Variants in RAB40C observed in about 807,000 individuals in gnomAD.
RAB40C encodes the protein ras-related protein Rab-40C.
A neutral mutation model predicts 28.1 loss-of-function variants in RAB40C; 8 were observed. The observed-to-expected ratio is 0.28, with a 90% CI of 0.17 to 0.51. RAB40C has a LOEUF of 0.51. Ranked by LOEUF, RAB40C falls within the 20% of genes least tolerant of loss-of-function variation. RAB40C has a pLI of 0.97. For synonymous variants in RAB40C, 201 were observed against 171.7 expected, an observed-to-expected ratio of 1.17 and a Z score of -1.34; for missense variants, 288 against 405.9, an observed-to-expected ratio of 0.71 and a Z score of 2.50.
intron 3 of RAB40C, among the ~76,000 whole-genome samples, chr16:619,961 C>T (rs558053347): frequency 8.7e-4 from 133 of 152,344 alleles, no homozygotes; most frequent in African/African-American, 3.1e-3. Flanking sequence ...ATGTTGGCAG[C>T]TCCCTCATGG....
At chr16:624,015 C>T in intron 3 of RAB40C, 1 of 985,446 alleles carries the variant, frequency 1.0e-6, no homozygotes, top group Non-Finnish European at 1.2e-6. Flanking sequence ...CCTTGGCCAG[C>T]ATGCACGCTT....
At chr16:596,409 G>A in intron 1 of RAB40C, 1 of 451,770 alleles carries the variant, frequency 2.2e-6, no homozygotes, top group South Asian at 1.6e-5. Flanking sequence ...GAGCAGGAAG[G>A]GGTTGCATCA....
At chr16:597,796 A>T (rs1034093767) in intron 1 of RAB40C, among the ~76,000 whole-genome samples, 1 of 151,796 alleles carries the variant, frequency 6.6e-6, no homozygotes, top group African/African-American at 2.4e-5. Context: ...AGCCCAGCTC[A>T]GCATCTTTGG....
In RAB40C at chr16:626,139, G is replaced by A. The variant is rs374920886; in HGVS notation, c.565+18G>A. 1.8e-4 allele frequency: 284 copies of A among 1,602,474 alleles called. No individual in the cohort carries two copies. The Middle Eastern group carries it at 4.3e-3, about 24-fold the overall frequency. ...CAACCGAGGTGGGTGGGCGGGCGCC[G>A]GCCAGCCCTGAGGTCCCCGAACCTG... On this transcript the variant is annotated intron_variant, in intron 5 of 5. Transcript: ENST00000248139.
In RAB40C at chr16:607,513, AAAAC is replaced by A. The variant is rs2036385376; in HGVS notation, c.143-9694_143-9691del. ...AGTGAAACTGTCTCAAAAAAAAAAA[AAAAC>A]GGGGGGCCGGGCGCGGTGGCTCACG... On this transcript the variant is annotated intron_variant, in intron 1 of 5. Coordinates refer to ENST00000248139, the MANE Select transcript of RAB40C (RefSeq NM_021168.5). Among the ~76,000 whole-genome samples, 4 of 151,578 alleles carry A rather than the reference AAAAC, an allele frequency of 2.6e-5. No homozygotes were observed. In the South Asian group the frequency reaches 8.3e-4, roughly 32 times the overall value.
In RAB40C at chr16:627,912, C is replaced by T. The variant is rs1292959451; in HGVS notation, c.*290C>T. ...TTGACCGGCGGGGAGCCTGGTTGGC[C>T]TTTCTTATTTATATAGAGAACACTT... On this transcript the variant is annotated 3_prime_UTR_variant, in exon 6 of 6. Coordinates refer to ENST00000248139, the MANE Select transcript of RAB40C (RefSeq NM_021168.5). The T allele has an allele frequency of 7.0e-6, 3 of 426,718 alleles. No individual in the cohort carries two copies. Among genetic ancestry groups the T allele is most frequent in the Non-Finnish European group, 1.2e-5 (3 of 241,894 alleles). The allele number at this position is 426,718 out of a possible 1,614,324, so 26.4% of individuals were successfully genotyped here. A position where few individuals can be genotyped will look rare whatever the true frequency, so the allele number is the denominator to read the frequency against.
intron 3 of RAB40C, among the ~76,000 whole-genome samples, chr16:622,717 G>A (rs547704001): frequency 2.0e-5 from 3 of 152,296 alleles, no homozygotes; most frequent in Non-Finnish European, 4.4e-5. Context: ...TGTTGGCCAG[G>A]ATGGTCTCCA....
intron 3 of RAB40C, among the ~76,000 whole-genome samples, chr16:623,228 T>C (rs2036758047): frequency 6.6e-6 from 1 of 152,250 alleles, no homozygotes. Flanking sequence ...GTCATGCGAA[T>C]AGGGGTGTTT....
chr16:605,043 G>A (rs1228810898), intron 1 of RAB40C, among the ~76,000 whole-genome samples: 3 of 152,178 alleles, frequency 2.0e-5, no homozygotes, highest in Non-Finnish European at 2.9e-5. Context: ...GGGCGACAGA[G>A]TGAGACTTTG....
chr16:620,493 A>G (rs969946719), intron 3 of RAB40C, among the ~76,000 whole-genome samples: 2 of 152,242 alleles, frequency 1.3e-5, no homozygotes, highest in Non-Finnish European at 2.9e-5. Flanking sequence ...CAATAAACAT[A>G]TACTATTTTG....
chr16:620,890 A>G (rs944233696), intron 3 of RAB40C, among the ~76,000 whole-genome samples: 1 of 151,896 alleles, frequency 6.6e-6, no homozygotes, highest in Non-Finnish European at 1.5e-5. Flanking sequence ...TCTGTGGGAC[A>G]CGAGGCCAGT....
At chr16:600,453 T>G (rs567095069) in intron 1 of RAB40C, among the ~76,000 whole-genome samples, 1 of 152,394 alleles carries the variant, frequency 6.6e-6, no homozygotes, top group South Asian at 2.1e-4. Context: ...TTGGACTTTT[T>G]TAAAGAGCTT....
At position 625,219 on chromosome 16, in the gene RAB40C, A is replaced by AC. The variant is rs1415666462; in HGVS notation, c.265-207dup. ...ATTTCTGACACCATGGAAGGCGCCC[A>AC]CCCCCCTGCTGCAGTCCTGCCAGGT... On this transcript the variant is annotated intron_variant, in intron 3 of 5. Transcript: ENST00000248139. The AC allele has an allele frequency of 3.1e-5, 44 of 1,430,944 alleles. 1 individual carries two copies. In the South Asian group the frequency reaches 4.4e-4, roughly 14 times the overall value. 88.6% of individuals were successfully genotyped at this position (1,430,944 alleles called of 1,614,324 possible).
intron 1 of RAB40C, among the ~76,000 whole-genome samples, chr16:613,192 C>T (rs1457784886): frequency 7.2e-6 from 1 of 139,284 alleles, no homozygotes; most frequent in Non-Finnish European, 1.5e-5. Flanking sequence ...CAGCCGCCCT[C>T]ACCTGTAGAA....
intron 5 of RAB40C, 94 bp downstream of exon 5, chr16:626,215 G>C: frequency 7.7e-7 from 1 of 1,292,396 alleles, no homozygotes; most frequent in Non-Finnish European, 1.1e-6. Context: ...CAGTGAGGGA[G>C]GTTCAGGCAG....
rs746920810 is a variant in RAB40C at position 625,547 on chromosome 16, G to A, written c.342+38G>A. The A allele has an allele frequency of 3.8e-6, 6 of 1,599,308 alleles. No individual in the cohort carries two copies. The Admixed American group carries it at 5.0e-5, about 13-fold the overall frequency. On this transcript the variant is annotated intron_variant, in intron 4 of 5. Coordinates refer to ENST00000248139, the MANE Select transcript of RAB40C (RefSeq NM_021168.5). ...CCGGGGAGCCCTCCCGGGGAAGGCAGGCTGGATGGAGGTACCTGGGCCCCG... is the reference window on the plus strand; with the variant it reads ...CCGGGGAGCCCTCCCGGGGAAGGCAAGCTGGATGGAGGTACCTGGGCCCCG...
intron 1 of RAB40C, among the ~76,000 whole-genome samples, chr16:613,623 G>A (rs548391533): frequency 1.3e-5 from 2 of 152,308 alleles, no homozygotes; most frequent in South Asian, 2.1e-4. Flanking sequence ...CTTGGTCGTC[G>A]GTTTTTCTTC....
chr16:615,757 T>C (rs768414250), intron 1 of RAB40C, among the ~76,000 whole-genome samples: 1 of 151,636 alleles, frequency 6.6e-6, no homozygotes, highest in Non-Finnish European at 1.5e-5. Context: ...AGGTCAGGAA[T>C]TTGTGACCAG....
At chr16:607,066 T>C (rs902103241) in intron 1 of RAB40C, among the ~76,000 whole-genome samples, 1 of 152,182 alleles carries the variant, frequency 6.6e-6, no homozygotes, top group Non-Finnish European at 1.5e-5. Context: ...CCGAGGGTGC[T>C]ACGCAGGCTC....
Sources: gnomAD v4.1 joint callset for allele counts (sites outside exome capture counted in the v4.1 genomes callset) on GRCh38, gnomAD v4.1.1 for gene constraint, MANE v1.5 for transcripts, NCBI Gene and HGNC (gene_info 2026-07-23, HGNC 2026-07-21) for gene names.